CSF2RA: variants seen among roughly 807,000 people sequenced by gnomAD.
CSF2RA encodes the protein granulocyte-macrophage colony-stimulating factor receptor subunit alpha.
A neutral mutation model predicts 51.6 loss-of-function variants in CSF2RA; 42 were observed. The observed-to-expected ratio is 0.81, with a 90% CI of 0.64 to 1.05. CSF2RA has a LOEUF of 1.05. Ranked by LOEUF, CSF2RA falls within the 50% of genes least tolerant of loss-of-function variation. The probability of loss-of-function intolerance (pLI) is 0.00; values close to 1 mark genes in which losing one functional copy is unlikely to be tolerated. For missense variants in CSF2RA, 530 were observed against 501.1 expected (o/e 1.06, Z -0.55); for synonymous variants, 222 against 193.0 (o/e 1.15, Z -1.24).
chrX:1,284,189 GTC>G (rs2090364373), intron 3 of CSF2RA, among the ~76,000 whole-genome samples: 1 of 130,760 alleles, frequency 7.6e-6, no homozygotes, highest in Non-Finnish European at 1.6e-5. Context: ...TTCTTTCTCT[GTC>G]TCTCTTTTTT....
Position 1,309,916 on chromosome X carries a change from A to C in CSF2RA, c.*437A>C. ...ACAAACAATAATAATAAATAATAAA[A>C]ACCTGATATTTGGCTGGGCGCCGTG... On this transcript the variant is annotated 3_prime_UTR_variant, in exon 13 of 13. Transcript: ENST00000381529. 2 of 551,056 alleles carry C rather than the reference A, an allele frequency of 3.6e-6. No homozygotes were observed. The highest frequency in any genetic ancestry group is 6.4e-6 in the Non-Finnish European group (2 of 313,870). The allele number at this position is 551,056 out of a possible 1,614,324, so 34.1% of individuals were successfully genotyped here.
Position 1,288,898 on chromosome X carries a change from C to T in CSF2RA, c.473+10C>T, listed in dbSNP as rs1431151855. ...ACATACGAAACTCAAAGTAAGTGTTCACCTCATGTGAAGAATTATGAGGAA... is the reference window on the plus strand; with the variant it reads ...ACATACGAAACTCAAAGTAAGTGTTTACCTCATGTGAAGAATTATGAGGAA... On this transcript the variant is annotated intron_variant, in intron 6 of 12. Transcript: ENST00000381529. 1 of 1,574,870 alleles carries T rather than the reference C, an allele frequency of 6.3e-7. No individual in the cohort carries two copies. The highest frequency in any genetic ancestry group is 8.6e-7 in the Non-Finnish European group (1 of 1,156,582).
At chrX:1,295,760 G>A (rs1467492530) in intron 9 of CSF2RA, among the ~76,000 whole-genome samples, 1 of 150,022 alleles carries the variant, frequency 6.7e-6, no homozygotes, top group Non-Finnish European at 1.5e-5. Flanking sequence ...AGTATAGACA[G>A]GAGGAGCTCT....
chrX:1,324,400 A>G, the CSF2RA span, among the ~76,000 whole-genome samples: 1 of 134,704 alleles, frequency 7.4e-6, no homozygotes, highest in African/African-American at 3.3e-5. Context: ...AAGGAAGGAA[A>G]AAGGAAAAGA....
At chrX:1,314,269 G>A (rs112603177), downstream of CSF2RA, among the ~76,000 whole-genome samples, 4,636 of 14,536 alleles carry the variant, frequency 0.32, 391 homozygotes, top group East Asian at 0.55. Context: ...ACCCCACTGC[G>A]CCTGCCCAAC....
In CSF2RA at chrX:1,277,316, G is replaced by A. The variant is rs1368944475; in HGVS notation, c.-27+2498G>A. On this transcript the variant is annotated intron_variant, in intron 2 of 12. Coordinates refer to ENST00000381529, the MANE Select transcript of CSF2RA (RefSeq NM_172245.4). Reference sequence around the variant, plus strand: ...TCTCACGCAAGAAAGAATTCAGGGCGGCCGGGCGCTGTGGCTCACACCTGT... The same window carrying A: ...TCTCACGCAAGAAAGAATTCAGGGCAGCCGGGCGCTGTGGCTCACACCTGT... Among the ~76,000 whole-genome samples the A allele has an allele frequency of 2.6e-5, 4 of 151,788 alleles. No individual in the cohort carries two copies. The East Asian group carries it at 5.8e-4, about 22-fold the overall frequency.
chrX:1,285,522 C>A, intron 3 of CSF2RA: 1 of 522,612 alleles, frequency 1.9e-6, no homozygotes, highest in South Asian at 2.2e-5. Context: ...GGTGAAACCC[C>A]CATCTCTACT....
intron 2 of CSF2RA, chrX:1,281,803 T>C (rs1339818184): frequency 6.6e-6 from 1 of 151,198 alleles, no homozygotes; most frequent in Non-Finnish European, 1.5e-5. Flanking sequence ...TTCATTCATG[T>C]CGTTTTATGT....
At chrX:1,316,147 G>C in the CSF2RA span, among the ~76,000 whole-genome samples, 4 of 151,920 alleles carry the variant, frequency 2.6e-5, no homozygotes, top group African/African-American at 9.7e-5. Flanking sequence ...ATAGATGATA[G>C]ATTAGATAGA....
chrX:1,287,682 G>C (rs1218247403), intron 4 of CSF2RA, among the ~76,000 whole-genome samples: 1 of 140,636 alleles, frequency 7.1e-6, no homozygotes, highest in African/African-American at 2.7e-5. Context: ...GACCTCAAGT[G>C]ATCCACCCGC....
intron 2 of CSF2RA, chrX:1,282,031 TAA>T (rs1202643478): frequency 1.3e-3 from 79 of 61,128 alleles, no homozygotes; most frequent in African/African-American, 4.2e-3. Flanking sequence ...CTGTTTCTAC[TAA>T]AAAAAAAAAA....
intron 10 of CSF2RA, 58 bp downstream of exon 10, chrX:1,300,684 G>T: frequency 1.9e-6 from 3 of 1,611,908 alleles, no homozygotes; most frequent in Non-Finnish European, 1.7e-6. Flanking sequence ...CCTGCAGCAG[G>T]CACAGAGGTC....
chrX:1,295,602 TAC>T, intron 9 of CSF2RA, 146 bp downstream of exon 9: 1 of 758,938 alleles, frequency 1.3e-6, no homozygotes, highest in Middle Eastern at 2.4e-4. Context: ...TACGGTCCCC[TAC>T]TCACCACACC....
At chrX:1,271,404 A>T (rs1413987179) in intron 1 of CSF2RA, among the ~76,000 whole-genome samples, 1 of 144,208 alleles carries the variant, frequency 6.9e-6, no homozygotes, top group Admixed American at 7.3e-5. Context: ...CAGTGGTGCA[A>T]TCTCCGCTCA....
intron 12 of CSF2RA, chrX:1,305,899 G>T: frequency 2.0e-6 from 2 of 981,158 alleles, no homozygotes; most frequent in Non-Finnish European, 3.1e-6. Context: ...TGGCCAACGT[G>T]GTGAAACCCC....
rs1309888844 is a variant in CSF2RA, at chrX:1,290,360, C to T, written c.497C>T (p.Pro166Leu). Residue 166 changes from proline (P) to leucine (L), a missense_variant, in exon 7 of 13, where the codon CCT becomes CTT. Physicochemically the swap from Pro to Leu is moderately conservative, Grantham distance 98. Transcript: ENST00000381529. ...NSKRRREIRC[P>L]YYIQDSGTHV... ...AGGAGAAGGAGGGAGATCCGGTGTC[C>T]TTATTACATACAAGACTCAGGAACC... 11 of 1,613,332 alleles carry T rather than the reference C, an allele frequency of 6.8e-6. No homozygotes were observed. Among genetic ancestry groups the T allele is most frequent in the African/African-American group, 1.3e-5 (1 of 74,846 alleles).
intron 8 of CSF2RA, among the ~76,000 whole-genome samples, chrX:1,294,668 G>C (rs1394631208): frequency 6.6e-6 from 1 of 152,100 alleles, no homozygotes; most frequent in Non-Finnish European, 1.5e-5. Context: ...GTTGCAGGGA[G>C]GGTGGACAAG....
intron 3 of CSF2RA, 198 bp from the exon 4 acceptor site, chrX:1,285,580 A>C: frequency 1.5e-6 from 1 of 676,230 alleles, no homozygotes; most frequent in South Asian, 1.9e-5. Context: ...CTGTCATCCC[A>C]GCTACTCGGG....
At chrX:1,300,233 T>C in intron 9 of CSF2RA, 1 of 156,810 alleles carries the variant, frequency 6.4e-6, no homozygotes, top group Non-Finnish European at 1.1e-5. Context: ...AATAAATAAA[T>C]AAAATAAAAT....
Sources: allele counts gnomAD v4.1 joint callset (sites outside exome capture counted in the v4.1 genomes callset), GRCh38; gene constraint gnomAD v4.1.1; transcripts MANE v1.5; gene names NCBI Gene and HGNC (gene_info 2026-07-23, HGNC 2026-07-21).